Variants in PLCE1 observed in about 807,000 individuals in gnomAD.
PLCE1 encodes the protein phospholipase C epsilon 1, also known as 1-phosphatidylinositol 4,5-bisphosphate phosphodiesterase epsilon-1.
Under a neutral mutation model 242.8 loss-of-function variants are expected in PLCE1, and 119 were observed. The observed-to-expected ratio is 0.49, with a 90% CI of 0.42 to 0.57. The LOEUF (loss-of-function observed/expected upper bound fraction) is 0.57. Among genes scored for constraint, PLCE1 ranks in the 20% least tolerant of loss-of-function variants. PLCE1 has a pLI of 0.00. For missense variants in PLCE1, 2,441 were observed against 2,788.8 expected, an observed-to-expected ratio of 0.88 and a Z score of 2.81; for synonymous variants, 945 against 1,017.4, an observed-to-expected ratio of 0.93 and a Z score of 1.35.
intron 13 of PLCE1, among the ~76,000 whole-genome samples, chr10:94,262,195 T>C (rs2051326416): frequency 6.6e-6 from 1 of 151,970 alleles, no homozygotes; most frequent in Admixed American, 6.6e-5. Context: ...GAGACGGGGA[T>C]TCACCATGTT....
chr10:94,213,859 A>G (rs181910263), intron 4 of PLCE1, among the ~76,000 whole-genome samples: 44 of 152,354 alleles, frequency 2.9e-4, no homozygotes, highest in Non-Finnish European at 5.1e-4. Context: ...CTCTCCAAGC[A>G]CCGGAGCCCT....
rs554906505 is a variant in PLCE1, at chr10:94,018,931, G to A, written c.-364-11752G>A. Reference sequence around the variant, plus strand: ...AAACAGTAAGTGTACAGATATTTGAGCCTTTATTATTATAGTGCTGAAGGG... The same window carrying A: ...AAACAGTAAGTGTACAGATATTTGAACCTTTATTATTATAGTGCTGAAGGG... On this transcript the variant is annotated intron_variant, in intron 1 of 32. Transcript: ENST00000371380. Among the ~76,000 whole-genome samples, 7 of 152,256 alleles carry A rather than the reference G, an allele frequency of 4.6e-5. No homozygotes were observed. The South Asian group carries it at 1.0e-3, about 23-fold the overall frequency.
rs1451495166 is a variant in PLCE1, at chr10:94,332,765, CAAAGT to C, written c.*4829_*4833del. On this transcript the variant is annotated 3_prime_UTR_variant, in exon 33 of 33. Coordinates refer to ENST00000371380, the MANE Select transcript of PLCE1 (RefSeq NM_016341.4). The stretch of plus-strand genomic sequence containing the variant: ...TCACCAGAAGTATAGTTTCTGCTGC[CAAAGT>C]AAAGTATAAATGTATTTGTATATGT... 5 of 151,988 alleles carry C rather than the reference CAAAGT, an allele frequency of 3.3e-5. No homozygotes were observed. Among genetic ancestry groups the C allele is most frequent in the South Asian group, 2.1e-4 (1 of 4,820 alleles). 9.4% of individuals were successfully genotyped at this position (151,988 alleles called of 1,614,324 possible). A position where few individuals can be genotyped will look rare whatever the true frequency, so the allele number is the denominator to read the frequency against.
chr10:94,046,787 C>T (rs1162981155), intron 2 of PLCE1, among the ~76,000 whole-genome samples: 6 of 152,156 alleles, frequency 3.9e-5, no homozygotes. Context: ...AGGCTTAATG[C>T]AAGTTACTTA....
chr10:94,019,083 A>G (rs559578549), intron 1 of PLCE1, among the ~76,000 whole-genome samples: 2 of 152,352 alleles, frequency 1.3e-5, no homozygotes, highest in South Asian at 4.1e-4. Context: ...TAGGATCATT[A>G]TGAGAATTAC....
chr10:94,131,039 G>T (rs2046585134), intron 2 of PLCE1, among the ~76,000 whole-genome samples: 2 of 152,174 alleles, frequency 1.3e-5, no homozygotes, highest in African/African-American at 4.8e-5. Context: ...TATTTATCCA[G>T]CCCTGTCATA....
At chr10:94,007,662 T>TAAAAGCCCCCTGTTAGTCCCCATC (rs1434405065) in intron 1 of PLCE1, among the ~76,000 whole-genome samples, 1 of 143,924 alleles carries the variant, frequency 6.9e-6, no homozygotes, top group Non-Finnish European at 1.5e-5. Context: ...GCATATAGGT[T>TAAAAGCCCCCTGTTAGTCCCCATC]AAAAGCCCCC....
chr10:94,096,477 A>T (rs762967869), intron 2 of PLCE1: 6 of 152,188 alleles, frequency 3.9e-5, no homozygotes, highest in Middle Eastern at 3.2e-3. Flanking sequence ...AAGTACCAAG[A>T]AAAAGGGGGA....
intron 2 of PLCE1, among the ~76,000 whole-genome samples, chr10:94,114,676 T>C (rs1388176773): frequency 3.9e-5 from 6 of 152,150 alleles, no homozygotes; most frequent in Non-Finnish European, 8.8e-5. Context: ...GCTGTTCTTT[T>C]CTTATTTTGT....
chr10:94,264,657 G>C (rs1039555487), intron 14 of PLCE1, among the ~76,000 whole-genome samples: 1 of 151,576 alleles, frequency 6.6e-6, no homozygotes, highest in African/African-American at 2.4e-5. Flanking sequence ...AAGTAGCTGG[G>C]ATTACAGGCA....
intron 19 of PLCE1, among the ~76,000 whole-genome samples, chr10:94,277,718 C>T (rs1417199496): frequency 6.6e-6 from 1 of 152,160 alleles, no homozygotes; most frequent in Non-Finnish European, 1.5e-5. Context: ...CTTGTGCCTA[C>T]AACAGATTTC....
chr10:94,216,133 CTTG>C (rs890883391), intron 4 of PLCE1, among the ~76,000 whole-genome samples: 5 of 152,194 alleles, frequency 3.3e-5, no homozygotes, highest in African/African-American at 1.2e-4. Flanking sequence ...ACCTCATAGG[CTTG>C]TTGTAGGATT....
At chr10:94,005,500 C>A (rs1322282129) in intron 1 of PLCE1, among the ~76,000 whole-genome samples, 1 of 152,162 alleles carries the variant, frequency 6.6e-6, no homozygotes, top group African/African-American at 2.4e-5. Flanking sequence ...GGACAAATAC[C>A]TGAACTTCTC....
At chr10:94,267,665 T>C (rs1327689792) in intron 16 of PLCE1, among the ~76,000 whole-genome samples, 1 of 152,214 alleles carries the variant, frequency 6.6e-6, no homozygotes, top group Non-Finnish European at 1.5e-5. Context: ...CCATCTCATC[T>C]GTTGCCAGTT....
intron 3 of PLCE1, among the ~76,000 whole-genome samples, chr10:94,169,211 A>C (rs1419999831): frequency 2.0e-5 from 3 of 152,212 alleles, no homozygotes; most frequent in African/African-American, 2.4e-5. Context: ...TGATCAGAAG[A>C]TATAGTCACC....
chr10:94,095,244 C>G (rs1020804688), intron 2 of PLCE1, among the ~76,000 whole-genome samples: 3 of 152,232 alleles, frequency 2.0e-5, no homozygotes, highest in African/African-American at 7.2e-5. Flanking sequence ...TTTGTGTCTT[C>G]ACATCGTAGG....
At chr10:94,198,429 C>T (rs1202282011) in intron 4 of PLCE1, among the ~76,000 whole-genome samples, 1 of 152,178 alleles carries the variant, frequency 6.6e-6, no homozygotes, top group African/African-American at 2.4e-5. Flanking sequence ...CAGTTATCTT[C>T]TTTCCTTTTT....
chr10:94,221,138 A>T (rs1473658045), intron 4 of PLCE1, among the ~76,000 whole-genome samples: 1 of 152,244 alleles, frequency 6.6e-6, no homozygotes, highest in East Asian at 1.9e-4. Flanking sequence ...AAGAATCACC[A>T]GGGAGTTTAT....
chr10:94,034,371 A>G (rs927611558), intron 2 of PLCE1, among the ~76,000 whole-genome samples: 4 of 152,200 alleles, frequency 2.6e-5, no homozygotes, highest in Admixed American at 2.6e-4. Context: ...CATGTTGTAC[A>G]ATCATCTTAA....
Sources: gnomAD v4.1 joint callset for allele counts (sites outside exome capture counted in the v4.1 genomes callset) on GRCh38, gnomAD v4.1.1 for gene constraint, MANE v1.5 for transcripts, NCBI Gene and HGNC (gene_info 2026-07-23, HGNC 2026-07-21) for gene names.